The following BCAS3 variants were observed in gnomAD, a reference collection of about 807,000 sequenced individuals.
BCAS3 encodes the protein BCAS3 microtubule associated cell migration factor.
A neutral mutation model predicts 116.1 loss-of-function variants in BCAS3; 53 were observed. The ratio of observed to expected loss-of-function variants is 0.46; its 90% CI spans 0.37 to 0.57. BCAS3 has a LOEUF of 0.57. Ranked by LOEUF, BCAS3 falls within the 20% of genes least tolerant of loss-of-function variation. The pLI, the probability that BCAS3 is intolerant of heterozygous loss-of-function variation, is 0.00. For synonymous variants in BCAS3, 391 were observed against 408.2 expected (o/e 0.96, Z 0.51); for missense variants, 917 against 1,165.4 (o/e 0.79, Z 3.10).
intron 22 of BCAS3, among the ~76,000 whole-genome samples, chr17:61,192,902 C>T (rs2046543429): frequency 6.6e-6 from 1 of 152,188 alleles, no homozygotes; most frequent in African/African-American, 2.4e-5. Context: ...TGTTCGCTGG[C>T]AATTAAAGCA....
intron 23 of BCAS3, chr17:61,389,025 C>G (rs1051623456): frequency 5.4e-5 from 18 of 335,016 alleles, no homozygotes; most frequent in Non-Finnish European, 9.4e-5. Context: ...TTAGGGCACC[C>G]ATGATTTTCC....
Position 61,352,254 on chromosome 17 carries a change from CT to C in BCAS3, c.2426-16067del, listed in dbSNP as rs968931239. 1.6e-4 allele frequency among the ~76,000 whole-genome samples: 25 copies of C among 152,124 alleles called. No individual in the cohort carries two copies. Among genetic ancestry groups the C allele is most frequent in the African/African-American group, 5.8e-4 (24 of 41,434 alleles). On this transcript the variant is annotated intron_variant, in intron 22 of 23. Coordinates refer to ENST00000407086, the MANE Select transcript of BCAS3 (RefSeq NM_017679.5). This position sits in a 1 kb window ranked among gnomAD's most constrained non-coding sequence, Gnocchi z 4.7. ...AGCCCCTTGGTGCTTTGGCTTTTTTCTTTTTTCCCTACTCATGGATGAATCC... is the reference window on the plus strand; with the variant it reads ...AGCCCCTTGGTGCTTTGGCTTTTTTCTTTTTCCCTACTCATGGATGAATCC...
chr17:61,092,383 T>C (rs2143599794), intron 22 of BCAS3, among the ~76,000 whole-genome samples: 1 of 152,322 alleles, frequency 6.6e-6, no homozygotes, highest in Middle Eastern at 3.4e-3. Flanking sequence ...CCTTTGGGCA[T>C]ATCCCTAGTA....
rs2059620755 is a variant in BCAS3, at chr17:61,381,888, C to T, written c.2594-10089C>T. Among the ~76,000 whole-genome samples, 2 of 152,166 alleles carry T rather than the reference C, an allele frequency of 1.3e-5. No homozygotes were observed. The highest frequency in any genetic ancestry group is 4.2e-4 in the South Asian group (2 of 4,816). ...TCAACCTCAGCACAGCATTATTAAT[C>T]TAGAAAATTCTCTCCTATCCCCAAC... On this transcript the variant is annotated intron_variant, in intron 23 of 23. Coordinates refer to ENST00000407086, the MANE Select transcript of BCAS3 (RefSeq NM_017679.5). This position sits in a 1 kb window ranked among gnomAD's most constrained non-coding sequence, Gnocchi z 6.0.
intron 8 of BCAS3, among the ~76,000 whole-genome samples, chr17:60,873,461 T>C (rs1468344720): frequency 6.6e-6 from 1 of 152,196 alleles, no homozygotes; most frequent in Non-Finnish European, 1.5e-5. Context: ...TATTAGTTTG[T>C]TAAATATTTA....
chr17:61,087,949 G>A lies in BCAS3; in HGVS notation c.2425+3385G>A, dbSNP rs567887223. ...TATAATCCTAGCACTTTGGGAGGCC[G>A]AAGCGGTGGATCACTTGAGGTCAGG... On this transcript the variant is annotated intron_variant, in intron 22 of 23. Transcript: ENST00000407086. The surrounding 1 kb of genome is among the most constrained non-coding windows in gnomAD (Gnocchi z 4.6). Among the ~76,000 whole-genome samples, 9 of 152,226 alleles carry A rather than the reference G, an allele frequency of 5.9e-5. No homozygotes were observed. Among genetic ancestry groups the A allele is most frequent in the Admixed American group, 1.3e-4 (2 of 15,298 alleles).
intron 22 of BCAS3, among the ~76,000 whole-genome samples, chr17:61,297,780 C>T (rs527811612): frequency 2.6e-5 from 4 of 152,328 alleles, no homozygotes; most frequent in African/African-American, 9.6e-5. Context: ...AGAATAACTT[C>T]TACCTAACAG....
chr17:61,192,776 T>A (rs2080224806), intron 22 of BCAS3, among the ~76,000 whole-genome samples: 1 of 152,216 alleles, frequency 6.6e-6, no homozygotes, highest in Non-Finnish European at 1.5e-5. Flanking sequence ...TTCAGAATTA[T>A]GATGGTAGTT....
Position 61,367,431 on chromosome 17 carries a change from T to C in BCAS3, c.2426-896T>C, listed in dbSNP as rs79176744. 4,005 of 152,530 alleles carry C rather than the reference T, an allele frequency of 0.026. 73 individuals carry two copies. Among genetic ancestry groups the C allele is most frequent in the Non-Finnish European group, 0.038 (2,584 of 68,026 alleles). 9.4% of individuals were successfully genotyped at this position (152,530 alleles called of 1,614,324 possible). On this transcript the variant is annotated intron_variant, in intron 22 of 23. Coordinates refer to ENST00000407086, the MANE Select transcript of BCAS3 (RefSeq NM_017679.5). This position sits in a 1 kb window ranked among gnomAD's most constrained non-coding sequence, Gnocchi z 6.2. ...TTGAAGTGATCTCACATGTAAGATCTAATCTTAGCGTTCAGCAGAACACCA... is the reference window on the plus strand; with the variant it reads ...TTGAAGTGATCTCACATGTAAGATCCAATCTTAGCGTTCAGCAGAACACCA...
intron 5 of BCAS3, among the ~76,000 whole-genome samples, chr17:60,713,769 T>C (rs574632840): frequency 1.3e-5 from 2 of 152,344 alleles, no homozygotes; most frequent in East Asian, 3.9e-4. Context: ...TTGGTATTCA[T>C]GGGTGGTTTG....
intron 14 of BCAS3, among the ~76,000 whole-genome samples, chr17:60,978,322 G>T (rs1316324742): frequency 6.8e-6 from 1 of 147,922 alleles, no homozygotes; most frequent in Non-Finnish European, 1.5e-5. Context: ...GTCTGTTCAT[G>T]TCCTTTGCCC....
intron 9 of BCAS3, among the ~76,000 whole-genome samples, chr17:60,876,440 G>A (rs2055614509): frequency 6.6e-6 from 1 of 151,696 alleles, no homozygotes; most frequent in African/African-American, 2.4e-5. Flanking sequence ...ATTCTTATAT[G>A]AAATCTTTCT....
In BCAS3 at chr17:60,910,697, G is replaced by T; in HGVS notation, c.988G>T (p.Gly330Cys). ...TVIDTETVGE[G>C]QVLVSEDSDS... ...TATTGACACCGAAACCGTTGGAGAG[G>T]GCCAGGTAAGAAGAACTTTTGGTGC... The change falls in exon 12 of 24, where the codon GGC (glycine) becomes TGC (cysteine). Residue 330 changes from glycine (G) to cysteine (C), a missense_variant. Transcript: ENST00000407086. 6.2e-7 allele frequency: 1 copy of T among 1,602,194 alleles called. No homozygotes were observed. Among genetic ancestry groups the T allele is most frequent in the Non-Finnish European group, 8.5e-7 (1 of 1,174,554 alleles).
At chr17:61,147,715 C>T (rs1176066839) in intron 22 of BCAS3, among the ~76,000 whole-genome samples, 1 of 151,124 alleles carries the variant, frequency 6.6e-6, no homozygotes, top group East Asian at 1.9e-4. Context: ...GGCGGGGCAC[C>T]GTGGCTCACG....
chr17:61,321,850 C>T (rs548273822), intron 22 of BCAS3, among the ~76,000 whole-genome samples: 1 of 152,200 alleles, frequency 6.6e-6, no homozygotes, highest in East Asian at 1.9e-4. Context: ...TGAACTTGGG[C>T]AAGTTATTGA....
chr17:61,280,457 A>G (rs2051145043), intron 22 of BCAS3, among the ~76,000 whole-genome samples: 1 of 152,178 alleles, frequency 6.6e-6, no homozygotes. Flanking sequence ...AATGTGAGGT[A>G]GTTGACCTGG....
At chr17:60,991,459 G>A (rs1214839530) in intron 15 of BCAS3, among the ~76,000 whole-genome samples, 2 of 152,120 alleles carry the variant, frequency 1.3e-5, no homozygotes, top group Admixed American at 1.3e-4. Flanking sequence ...AATAACACTG[G>A]AGTGGTTGTA....
intron 22 of BCAS3, among the ~76,000 whole-genome samples, chr17:61,160,315 TAA>T (rs2078095912): frequency 6.6e-6 from 1 of 152,096 alleles, no homozygotes; most frequent in Admixed American, 6.6e-5. Context: ...GATAACCTTG[TAA>T]AAGTCCCTCC....
chr17:61,202,548 C>T (rs545465186), intron 22 of BCAS3, among the ~76,000 whole-genome samples: 1 of 150,822 alleles, frequency 6.6e-6, no homozygotes, highest in East Asian at 1.9e-4. Context: ...TACTTTTCTT[C>T]TTATTTTACT....
Sources: allele counts gnomAD v4.1 joint callset (sites outside exome capture counted in the v4.1 genomes callset), GRCh38; gene constraint gnomAD v4.1.1; non-coding constraint Gnocchi (gnomAD v3.1); transcripts MANE v1.5; gene names NCBI Gene and HGNC (gene_info 2026-07-23, HGNC 2026-07-21).